The following DAB2 variants were observed in gnomAD, a reference collection of about 807,000 sequenced individuals.
The protein encoded by DAB2 is disabled homolog 2.
A neutral mutation model predicts 71.6 loss-of-function variants in DAB2; 28 were observed. That is an observed-to-expected ratio of 0.39 (90% confidence interval 0.29 to 0.54). DAB2 has a LOEUF of 0.54. Ranked by LOEUF, DAB2 falls within the 20% of genes least tolerant of loss-of-function variation. The probability of loss-of-function intolerance (pLI) is 0.68; values close to 1 mark genes in which losing one functional copy is unlikely to be tolerated. For missense variants in DAB2, 867 were observed against 928.8 expected (o/e 0.93, Z 0.86); for synonymous variants, 345 against 339.7 (o/e 1.02, Z -0.17).
intron 1 of DAB2, among the ~76,000 whole-genome samples, chr5:39,410,141 T>G (rs1755689278): frequency 6.6e-6 from 1 of 152,130 alleles, no homozygotes; most frequent in Admixed American, 6.6e-5. Context: ...AAAAATAAAC[T>G]TTGTATGAGT....
intron 3 of DAB2, among the ~76,000 whole-genome samples, chr5:39,392,997 G>C (rs1466417729): frequency 6.6e-6 from 1 of 152,114 alleles, no homozygotes; most frequent in Non-Finnish European, 1.5e-5. Flanking sequence ...AATACGCTTG[G>C]TTCGTCCTAA....
intron 9 of DAB2, among the ~76,000 whole-genome samples, chr5:39,387,143 C>T (rs1375182898): frequency 2.0e-5 from 3 of 152,134 alleles, no homozygotes; most frequent in Admixed American, 6.6e-5. Context: ...TCTCATTTGA[C>T]CTGAAAGTTT....
rs769113732 is a variant in DAB2 at position 39,382,853 on chromosome 5, G to A, written c.1106C>T (p.Ser369Leu). ...AQAGPWPFSS[S>L]QTQPAVRTQN... ...AGTTCTCACTGCTGGCTGGGTTTGC[G>A]AACTTGAAAAGGGCCATGGGCCTGC... Residue 369 changes from serine to leucine, a missense_variant, in exon 10 of 15, where the codon TCG (serine) becomes TTG (leucine). By Grantham distance (145) the Ser-to-Leu change is moderately radical. Around this residue, in one of 2 missense-constraint regions of DAB2, gnomAD observed 740 missense variants for 734.3 expected, o/e 1.01. Transcript: ENST00000320816. 13 of 1,613,956 alleles carry A rather than the reference G, an allele frequency of 8.1e-6. 1 individual carries two copies. Among genetic ancestry groups the A allele is most frequent in the Admixed American group, 5.0e-5 (3 of 59,984 alleles).
rs767564917 is a variant in DAB2 at position 39,394,246 on chromosome 5, C to T, written c.75G>A (p.Lys25=). Reference sequence around the variant, plus strand: ...TCTCCATACCTTTCTTTTTTTCCTTCTTTGAGGGTGCTTTTGGTGCGGCCT... The same window carrying T: ...TCTCCATACCTTTCTTTTTTTCCTTTTTTGAGGGTGCTTTTGGTGCGGCCT... The part of the protein sequence containing the change: ...DQQAAPKAPS[K]KEKKKGPEKT... The change falls in exon 2 of 15, where the codon AAG becomes AAA. Residue 25 remains lysine, a synonymous_variant. Transcript: ENST00000320816. 1.9e-5 allele frequency: 30 copies of T among 1,613,594 alleles called. No homozygotes were observed. Among genetic ancestry groups the T allele is most frequent in the Non-Finnish European group, 2.5e-5 (30 of 1,179,774 alleles).
intron 6 of DAB2, 133 bp from the exon 7 acceptor site, chr5:39,389,256 C>T: frequency 3.3e-6 from 2 of 614,948 alleles, no homozygotes; most frequent in Non-Finnish European, 5.6e-6. Flanking sequence ...GCCCTCCGTT[C>T]CCCTCCCCTT....
At chr5:39,383,673 G>T (rs1755033230) in intron 9 of DAB2, among the ~76,000 whole-genome samples, 1 of 152,182 alleles carries the variant, frequency 6.6e-6, no homozygotes, top group Non-Finnish European at 1.5e-5. Flanking sequence ...TGTTGAGCTT[G>T]AAAGTAAGTG....
At position 39,376,735 on chromosome 5, in the gene DAB2, A is replaced by G. The variant is rs1443603428; in HGVS notation, c.2052T>C (p.Ser684=). 5 of 1,614,026 alleles carry G rather than the reference A, an allele frequency of 3.1e-6. No individual in the cohort carries two copies. The highest frequency in any genetic ancestry group is 4.2e-6 in the Non-Finnish European group (5 of 1,180,018). ...TSSGTLSAFA[S]YFNSKVGIPQ... ...GAATGCCAACCTTGCTGTTGAAATAACTGGCAAAGGCACTCAAAGTCCCAG... is the reference window on the plus strand; with the variant it reads ...GAATGCCAACCTTGCTGTTGAAATAGCTGGCAAAGGCACTCAAAGTCCCAG... Residue 684 remains serine, a synonymous_variant, in exon 12 of 15, where the codon AGT becomes AGC. Transcript: ENST00000320816.
chr5:39,423,876 C>T (rs1179841226), intron 1 of DAB2: 1 of 152,022 alleles, frequency 6.6e-6, no homozygotes, highest in Non-Finnish European at 1.5e-5. Flanking sequence ...TACAGAGCGG[C>T]TCTCTTCCTT....
intron 11 of DAB2, among the ~76,000 whole-genome samples, chr5:39,377,549 C>G (rs371264664): frequency 2.6e-5 from 4 of 152,100 alleles, no homozygotes; most frequent in African/African-American, 9.7e-5. Flanking sequence ...AAGGGTAGTA[C>G]GGTCCATAAG....
In DAB2 at chr5:39,375,949, C is replaced by T. The variant is rs766677443; in HGVS notation, c.2247+48G>A. 9 of 1,363,006 alleles carry T rather than the reference C, an allele frequency of 6.6e-6. No individual in the cohort carries two copies. The African/African-American group carries it at 1.0e-4, about 15-fold the overall frequency. The allele number at this position is 1,363,006 out of a possible 1,614,324, so 84.4% of individuals were successfully genotyped here. A position where few individuals can be genotyped will look rare whatever the true frequency, so the allele number is the denominator to read the frequency against. On this transcript the variant is annotated intron_variant, in intron 13 of 14. Transcript: ENST00000320816. The stretch of plus-strand genomic sequence containing the variant: ...AAGGTTAATTCAGGAGGCTGGAGCT[C>T]TATGTGGCATGTACTTTGGAGAAGA...
At chr5:39,375,727 A>C (rs887496456) in intron 13 of DAB2, among the ~76,000 whole-genome samples, 13 of 152,100 alleles carry the variant, frequency 8.5e-5, no homozygotes, top group Non-Finnish European at 1.8e-4. Flanking sequence ...TCTACAAAAA[A>C]ATACAAAAAT....
rs935958806 is a variant in DAB2 at position 39,375,405 on chromosome 5, A to G, written c.2248-321T>C. Among the ~76,000 whole-genome samples, 5 of 152,266 alleles carry G rather than the reference A, an allele frequency of 3.3e-5. No individual in the cohort carries two copies. In the East Asian group the frequency reaches 5.8e-4, roughly 18 times the overall value. On this transcript the variant is annotated intron_variant, in intron 13 of 14. Coordinates refer to ENST00000320816, the MANE Select transcript of DAB2 (RefSeq NM_001343.4). ...GTTTTCAAGACAGTATTTTGGCTCA[A>G]TTTTCTCCCGAAATGCTTTCATGGG... is the stretch of plus-strand genomic sequence containing the variant.
At chr5:39,392,554 G>C in intron 3 of DAB2, 91 bp from the exon 4 acceptor site, 1 of 945,296 alleles carries the variant, frequency 1.1e-6, no homozygotes, top group South Asian at 1.4e-5. Flanking sequence ...AGTCAGCTTT[G>C]TTTTCGACTT....
chr5:39,389,371 G>C (rs1454224517), intron 6 of DAB2, among the ~76,000 whole-genome samples: 1 of 152,080 alleles, frequency 6.6e-6, no homozygotes, highest in Non-Finnish European at 1.5e-5. Context: ...AAAAATAAAA[G>C]CCAGGGAGTG....
intron 1 of DAB2, among the ~76,000 whole-genome samples, chr5:39,406,141 C>T (rs1043795559): frequency 2.6e-5 from 4 of 152,028 alleles, no homozygotes; most frequent in Admixed American, 2.6e-4. Flanking sequence ...TGGTCTGACA[C>T]AGTGGAGAGG....
At chr5:39,380,846 C>T (rs116777239) in intron 11 of DAB2, among the ~76,000 whole-genome samples, 2,076 of 152,256 alleles carry the variant, frequency 0.014, 33 homozygotes, top group African/African-American at 0.044. Context: ...GTAAAACACT[C>T]AAGCTAGCCA....
intron 8 of DAB2, 101 bp downstream of exon 8, chr5:39,388,697 TC>T: frequency 1.1e-6 from 1 of 942,776 alleles, no homozygotes; most frequent in South Asian, 1.6e-5. Flanking sequence ...AATTGGATTT[TC>T]ATATAGATTC....
At chr5:39,418,753 T>C (rs1755906363) in intron 1 of DAB2, among the ~76,000 whole-genome samples, 1 of 152,226 alleles carries the variant, frequency 6.6e-6, no homozygotes, top group Non-Finnish European at 1.5e-5. Flanking sequence ...TCTCTAGAAT[T>C]TAGCTTGCCT....
chr5:39,381,181 T>A (rs1254703455), intron 11 of DAB2, among the ~76,000 whole-genome samples: 2 of 152,180 alleles, frequency 1.3e-5, no homozygotes, highest in Non-Finnish European at 2.9e-5. Context: ...CTTACAATTG[T>A]CTTTCAGGAA....
Sources: gnomAD v4.1 joint callset for allele counts (sites outside exome capture counted in the v4.1 genomes callset) on GRCh38, gnomAD v4.1.1 for gene constraint, gnomAD v4.1.1 regional missense constraint, MANE v1.5 for transcripts, NCBI Gene and HGNC (gene_info 2026-07-23, HGNC 2026-07-21) for gene names.